Variants in LRRTM4 observed in about 807,000 individuals in gnomAD.
LRRTM4 encodes leucine rich repeat transmembrane neuronal 4.
A neutral mutation model predicts 47.6 loss-of-function variants in LRRTM4; 25 were observed. The observed-to-expected ratio is 0.53, with a 90% CI of 0.38 to 0.73. The LOEUF (loss-of-function observed/expected upper bound fraction) is 0.73, where lower values mean the gene tolerates loss of function less well. Among genes scored for constraint, LRRTM4 ranks in the 30% least tolerant of loss-of-function variants. LRRTM4 has a pLI of 0.00. For synonymous variants in LRRTM4, 311 were observed against 269.5 expected, an observed-to-expected ratio of 1.15 and a Z score of -1.51; for missense variants, 638 against 713.4, an observed-to-expected ratio of 0.89 and a Z score of 1.20.
At position 77,196,955 on chromosome 2, in the gene LRRTM4, T is replaced by A. The variant is rs554867955; in HGVS notation, c.1551+321363A>T. Among the ~76,000 whole-genome samples, 6 of 152,266 alleles carry A rather than the reference T, an allele frequency of 3.9e-5. No homozygotes were observed. The South Asian group carries it at 1.2e-3, about 32-fold the overall frequency. On this transcript the variant is annotated intron_variant, in intron 3 of 3. Coordinates refer to ENST00000409884, the MANE Select transcript of LRRTM4 (RefSeq NM_001134745.3). ...TTTTCCAGTTTCAAGTGCTTACCAATTTTTTCTTCTAATCCTATAACTTTC... is the reference window on the plus strand; with the variant it reads ...TTTTCCAGTTTCAAGTGCTTACCAAATTTTTCTTCTAATCCTATAACTTTC...
Position 77,306,897 on chromosome 2 carries a change from A to ATTTTTTTTTTTTTTTTTTTTTTTT in LRRTM4, c.1551+211420_1551+211421insAAAAAAAAAAAAAAAAAAAAAAAA, listed in dbSNP as rs774697360. On this transcript the variant is annotated intron_variant, in intron 3 of 3. Coordinates refer to ENST00000409884, the MANE Select transcript of LRRTM4 (RefSeq NM_001134745.3). ...AAATAGCTATATACTGCTTTTCCAT[A>ATTTTTTTTTTTTTTTTTTTTTTTT]TTTTTTTTTTTTTTTTTTTTGAGAT... Among the ~76,000 whole-genome samples the ATTTTTTTTTTTTTTTTTTTTTTTT allele has an allele frequency of 1.4e-4, 16 of 112,412 alleles. 1 individual carries two copies. Among genetic ancestry groups the ATTTTTTTTTTTTTTTTTTTTTTTT allele is most frequent in the African/African-American group, 6.1e-4 (14 of 23,134 alleles). The allele number at this position is 112,412 out of a possible 152,430, so 73.7% of individuals were successfully genotyped here.
chr2:77,161,938 A>T (rs1306862941), intron 3 of LRRTM4, among the ~76,000 whole-genome samples: 2 of 152,204 alleles, frequency 1.3e-5, no homozygotes, highest in Non-Finnish European at 2.9e-5. Context: ...GAATAGCTCC[A>T]GTCTACAGCT....
intron 3 of LRRTM4, among the ~76,000 whole-genome samples, chr2:76,930,549 A>G (rs1055076663): frequency 2.0e-5 from 3 of 152,284 alleles, no homozygotes; most frequent in East Asian, 1.9e-4. Flanking sequence ...GCTTTCTGCA[A>G]TTCTCTCTTG....
intron 3 of LRRTM4, among the ~76,000 whole-genome samples, chr2:77,379,003 TGTC>T (rs1467098508): frequency 1.3e-5 from 2 of 152,188 alleles, no homozygotes; most frequent in Non-Finnish European, 2.9e-5. Context: ...CTAATATTGT[TGTC>T]ATTTGTCCAT....
At chr2:76,789,812 T>C (rs550403234) in intron 3 of LRRTM4, among the ~76,000 whole-genome samples, 1 of 152,188 alleles carries the variant, frequency 6.6e-6, no homozygotes, top group Non-Finnish European at 1.5e-5. Context: ...CCCATTTTAT[T>C]ATTTTTTCCA....
intron 3 of LRRTM4, among the ~76,000 whole-genome samples, chr2:77,403,547 C>A (rs1418130180): frequency 6.6e-6 from 1 of 151,658 alleles, no homozygotes; most frequent in African/African-American, 2.4e-5. Flanking sequence ...AATAAGTTCA[C>A]CATCAAATAT....
intron 3 of LRRTM4, among the ~76,000 whole-genome samples, chr2:77,189,767 A>T (rs1673613753): frequency 6.6e-6 from 1 of 152,036 alleles, no homozygotes; most frequent in South Asian, 2.1e-4. Flanking sequence ...GTATATATAC[A>T]TATACACACA....
chr2:77,233,642 C>T (rs1276479140), intron 3 of LRRTM4, among the ~76,000 whole-genome samples: 1 of 152,106 alleles, frequency 6.6e-6, no homozygotes, highest in Middle Eastern at 3.2e-3. Context: ...TAATAACTTG[C>T]TATATAGTTC....
At chr2:77,408,781 A>C (rs377345818) in intron 3 of LRRTM4, among the ~76,000 whole-genome samples, 1 of 152,216 alleles carries the variant, frequency 6.6e-6, no homozygotes, top group Middle Eastern at 3.2e-3. Context: ...CAAAAGAAGA[A>C]ATTATGCCTG....
intron 3 of LRRTM4, among the ~76,000 whole-genome samples, chr2:77,047,422 T>A (rs1450773781): frequency 6.6e-6 from 1 of 152,024 alleles, no homozygotes; most frequent in Admixed American, 6.6e-5. Context: ...GCTAAAACTC[T>A]GAGATCTAGG....
intron 3 of LRRTM4, among the ~76,000 whole-genome samples, chr2:77,088,131 G>A (rs1291805112): frequency 6.6e-6 from 1 of 152,188 alleles, no homozygotes; most frequent in Non-Finnish European, 1.5e-5. Flanking sequence ...GAAAAGAGAA[G>A]ATAATTTATT....
intron 3 of LRRTM4, among the ~76,000 whole-genome samples, chr2:77,425,202 G>C (rs1675058970): frequency 6.6e-6 from 1 of 152,212 alleles, no homozygotes; most frequent in East Asian, 1.9e-4. Flanking sequence ...TAAGGACCAA[G>C]TTAGAGACCT....
At position 77,412,803 on chromosome 2, in the gene LRRTM4, T is replaced by C. The variant is rs562558844; in HGVS notation, c.1551+105515A>G. 2.0e-5 allele frequency among the ~76,000 whole-genome samples: 3 copies of C among 152,368 alleles called. No individual in the cohort carries two copies. The South Asian group carries it at 6.2e-4, about 32-fold the overall frequency. On this transcript the variant is annotated intron_variant, in intron 3 of 3. Coordinates refer to ENST00000409884, the MANE Select transcript of LRRTM4 (RefSeq NM_001134745.3). ...TTAAAATAAAATAAGCAGCATGGGA[T>C]GGCTGACATATTGGATAGTAAATTT...
chr2:77,329,749 T>A (rs1670901798), intron 3 of LRRTM4, among the ~76,000 whole-genome samples: 1 of 152,062 alleles, frequency 6.6e-6, no homozygotes, highest in Non-Finnish European at 1.5e-5. Context: ...GACAGGATAC[T>A]TATCTGTGAC....
chr2:77,161,350 T>A (rs951612464), intron 3 of LRRTM4, among the ~76,000 whole-genome samples: 1 of 152,138 alleles, frequency 6.6e-6, no homozygotes, highest in East Asian at 1.9e-4. Context: ...TAACACAGCA[T>A]CCATTCCCTA....
At chr2:76,752,897 A>G (rs1672900397) in intron 3 of LRRTM4, among the ~76,000 whole-genome samples, 4 of 152,176 alleles carry the variant, frequency 2.6e-5, no homozygotes, top group African/African-American at 7.2e-5. Flanking sequence ...GCTCCACTCT[A>G]TAGCACAGCA....
At chr2:77,173,534 G>T (rs1400612622) in intron 3 of LRRTM4, among the ~76,000 whole-genome samples, 1 of 152,108 alleles carries the variant, frequency 6.6e-6, no homozygotes, top group Non-Finnish European at 1.5e-5. Flanking sequence ...GACAGATAGG[G>T]TGATTTGAAC....
intron 3 of LRRTM4, among the ~76,000 whole-genome samples, chr2:77,012,253 A>T (rs142063238): frequency 8.5e-5 from 13 of 152,276 alleles, no homozygotes; most frequent in Non-Finnish European, 1.6e-4. Flanking sequence ...CGTTAGAAAT[A>T]ATTATTATTT....
intron 3 of LRRTM4, among the ~76,000 whole-genome samples, chr2:77,289,104 T>TA (rs1422337774): frequency 1.3e-5 from 2 of 152,168 alleles, no homozygotes; most frequent in Non-Finnish European, 2.9e-5. Context: ...ATCCTTTTAT[T>TA]AAAAAGATAC....
Sources: allele counts gnomAD v4.1 joint callset (sites outside exome capture counted in the v4.1 genomes callset), GRCh38; gene constraint gnomAD v4.1.1; transcripts MANE v1.5; gene names NCBI Gene and HGNC (gene_info 2026-07-23, HGNC 2026-07-21).